Variants in ADARB2 observed in about 807,000 individuals in gnomAD.
ADARB2 encodes inactive double-stranded RNA-specific editase B2.
ADARB2 carries 25 observed loss-of-function variants against 62.2 expected under a neutral mutation model. The observed-to-expected ratio is 0.40, with a 90% CI of 0.29 to 0.56. ADARB2 has a LOEUF of 0.56. Ranked by LOEUF, ADARB2 falls within the 20% of genes least tolerant of loss-of-function variation. ADARB2 has a pLI of 0.43. For missense variants in ADARB2, 1,071 were observed against 1,077.4 expected (o/e 0.99, Z 0.08); for synonymous variants, 572 against 500.8 (o/e 1.14, Z -1.90).
At chr10:1,731,062 C>A (rs1835224755) in intron 1 of ADARB2, among the ~76,000 whole-genome samples, 1 of 152,138 alleles carries the variant, frequency 6.6e-6, no homozygotes, top group Admixed American at 6.6e-5. Flanking sequence ...AAATATAGAT[C>A]GTTCTTCAGA....
At chr10:1,307,103 G>A (rs1298106451) in intron 3 of ADARB2, among the ~76,000 whole-genome samples, 5 of 114,746 alleles carry the variant, frequency 4.4e-5, no homozygotes, top group African/African-American at 1.4e-4. Flanking sequence ...AAACTAAAGA[G>A]CTTCTGCACA....
chr10:1,267,159 C>A (rs893434901), intron 4 of ADARB2, among the ~76,000 whole-genome samples: 1 of 151,536 alleles, frequency 6.6e-6, no homozygotes, highest in Non-Finnish European at 1.5e-5. Context: ...AAAACCTTTC[C>A]CCCTCCCGGG....
At chr10:1,406,270 C>T (rs763879000) in intron 1 of ADARB2, among the ~76,000 whole-genome samples, 14 of 152,188 alleles carry the variant, frequency 9.2e-5, no homozygotes, top group South Asian at 2.1e-4. Context: ...GTGTGTGGGC[C>T]CTCCCCAGGG....
chr10:1,597,190 C>T (rs572336484), intron 1 of ADARB2, among the ~76,000 whole-genome samples: 1 of 152,214 alleles, frequency 6.6e-6, no homozygotes, highest in Admixed American at 6.5e-5. Flanking sequence ...GAAAATAAAG[C>T]CTTTCAAGTG....
intron 1 of ADARB2, among the ~76,000 whole-genome samples, chr10:1,506,451 C>T (rs973554102): frequency 6.6e-6 from 1 of 152,212 alleles, no homozygotes; most frequent in African/African-American, 2.4e-5. Flanking sequence ...CTCATGTTCC[C>T]AAGCACCAGA....
rs562912946 is a variant in ADARB2 at position 1,633,389 on chromosome 10, C to A, written c.100+103662G>T. On this transcript the variant is annotated intron_variant, in intron 1 of 9. Transcript: ENST00000381312. Reference sequence around the variant, plus strand: ...GCCAACAGGAATTTCAAAGGAAATGCTCACCAGAATATTTCAGATCTTGGA... The same window carrying A: ...GCCAACAGGAATTTCAAAGGAAATGATCACCAGAATATTTCAGATCTTGGA... Among the ~76,000 whole-genome samples the A allele has an allele frequency of 3.3e-5, 5 of 152,306 alleles. No homozygotes were observed. In the East Asian group the frequency reaches 9.6e-4, roughly 29 times the overall value.
At chr10:1,311,340 C>G (rs1423117397) in intron 3 of ADARB2, among the ~76,000 whole-genome samples, 2 of 152,152 alleles carry the variant, frequency 1.3e-5, no homozygotes, top group Non-Finnish European at 2.9e-5. Context: ...GAGGAAAAAG[C>G]CTAACAAAAG....
intron 3 of ADARB2, among the ~76,000 whole-genome samples, chr10:1,316,980 C>T (rs184779441): frequency 8.3e-4 from 127 of 152,314 alleles, no homozygotes; most frequent in Non-Finnish European, 1.0e-3. Flanking sequence ...GTTAAAGCCC[C>T]GGTCTAAGAT....
intron 1 of ADARB2, among the ~76,000 whole-genome samples, chr10:1,515,812 A>T (rs1304238227): frequency 6.6e-6 from 1 of 152,230 alleles, no homozygotes; most frequent in African/African-American, 2.4e-5. Flanking sequence ...TGCAGCAATG[A>T]TGCTATTCTC....
At chr10:1,513,180 C>A (rs1302214658) in intron 1 of ADARB2, among the ~76,000 whole-genome samples, 1 of 152,164 alleles carries the variant, frequency 6.6e-6, no homozygotes, top group East Asian at 1.9e-4. Context: ...TCGTGTTGTA[C>A]ACCTTAGATA....
chr10:1,325,307 G>A (rs1231697566), intron 3 of ADARB2, among the ~76,000 whole-genome samples: 1 of 152,154 alleles, frequency 6.6e-6, no homozygotes, highest in Non-Finnish European at 1.5e-5. Flanking sequence ...CTCTTCATGA[G>A]GACTTCCGAC....
intron 7 of ADARB2, among the ~76,000 whole-genome samples, chr10:1,210,301 G>A (rs1841298343): frequency 1.3e-5 from 2 of 152,132 alleles, no homozygotes; most frequent in African/African-American, 2.4e-5. Context: ...GCACGAAGTC[G>A]GAGATCAAAA....
At chr10:1,208,447 G>A (rs1393478116) in intron 7 of ADARB2, among the ~76,000 whole-genome samples, 2 of 152,226 alleles carry the variant, frequency 1.3e-5, no homozygotes, top group Admixed American at 1.3e-4. Context: ...ACACCTGGGT[G>A]TGTCTGTCCC....
chr10:1,338,790 C>T (rs1288389253), intron 3 of ADARB2, among the ~76,000 whole-genome samples: 1 of 152,162 alleles, frequency 6.6e-6, no homozygotes, highest in African/African-American at 2.4e-5. Flanking sequence ...CCTTCTTCTC[C>T]ATCAGCCACC....
chr10:1,277,964 T>TTC (rs1450965885), intron 3 of ADARB2, among the ~76,000 whole-genome samples: 5 of 79,600 alleles, frequency 6.3e-5, no homozygotes, highest in Non-Finnish European at 1.7e-4. Context: ...CCTCTTTCTC[T>TTC]CTCTCTTTCT....
At chr10:1,621,514 C>T (rs980193948) in intron 1 of ADARB2, among the ~76,000 whole-genome samples, 10 of 151,684 alleles carry the variant, frequency 6.6e-5, no homozygotes, top group East Asian at 3.9e-4. Context: ...CTCCCAGGCT[C>T]GAGTGGTTCT....
At chr10:1,725,574 A>G (rs1245189220) in intron 1 of ADARB2, among the ~76,000 whole-genome samples, 1 of 151,834 alleles carries the variant, frequency 6.6e-6, no homozygotes, top group Non-Finnish European at 1.5e-5. Context: ...GCCCCCCACC[A>G]CCCAGAAGAG....
At chr10:1,671,245 C>T (rs1049590547) in intron 1 of ADARB2, among the ~76,000 whole-genome samples, 1 of 152,188 alleles carries the variant, frequency 6.6e-6, no homozygotes, top group African/African-American at 2.4e-5. Flanking sequence ...GCCTTGGGCC[C>T]CCAGAGGTCT....
At chr10:1,455,035 A>G (rs1307443845) in intron 1 of ADARB2, among the ~76,000 whole-genome samples, 2 of 152,238 alleles carry the variant, frequency 1.3e-5, no homozygotes, top group Non-Finnish European at 2.9e-5. Context: ...GACTGGAATC[A>G]AACTCCTTTA....
Sources: allele counts gnomAD v4.1 joint callset (sites outside exome capture counted in the v4.1 genomes callset), GRCh38; gene constraint gnomAD v4.1.1; transcripts MANE v1.5; gene names NCBI Gene and HGNC (gene_info 2026-07-23, HGNC 2026-07-21).